CTNNA3: variants seen among roughly 807,000 people sequenced by gnomAD.
CTNNA3 encodes catenin alpha-3.
CTNNA3 carries 76 observed loss-of-function variants against 95.7 expected under a neutral mutation model. That is an observed-to-expected ratio of 0.79 (90% CI 0.66 to 0.96). CTNNA3 has a LOEUF of 0.96. CTNNA3 is among the 40% of genes least tolerant of loss of function. The pLI is 0.00. For missense variants in CTNNA3, 1,191 were observed against 1,089.8 expected (o/e 1.09, Z -1.31); for synonymous variants, 431 against 374.4 (o/e 1.15, Z -1.74).
chr10:66,350,868 C>T (rs1349690761), intron 12 of CTNNA3, among the ~76,000 whole-genome samples: 5 of 151,984 alleles, frequency 3.3e-5, no homozygotes, highest in Non-Finnish European at 1.5e-5. Context: ...TGTCTATCCA[C>T]AGAAGGACTC....
At chr10:66,310,718 GCT>G (rs969754152) in intron 12 of CTNNA3, among the ~76,000 whole-genome samples, 1 of 147,154 alleles carries the variant, frequency 6.8e-6, no homozygotes, top group Non-Finnish European at 1.5e-5. Context: ...GCGGAGTCTG[GCT>G]CTGTCTCCCA....
intron 3 of CTNNA3, among the ~76,000 whole-genome samples, chr10:67,558,299 A>G (rs1009971500): frequency 5.3e-5 from 8 of 152,212 alleles, no homozygotes; most frequent in Admixed American, 5.2e-4. Context: ...TTACCTTATT[A>G]AAACTATTAT....
chr10:67,681,059 T>C (rs1467838955), intron 1 of CTNNA3, among the ~76,000 whole-genome samples: 1 of 152,180 alleles, frequency 6.6e-6, no homozygotes, highest in Non-Finnish European at 1.5e-5. Context: ...CTACTGAGGG[T>C]TGTAAAAGAA....
At chr10:66,409,015 C>T (rs1460818573) in intron 11 of CTNNA3, among the ~76,000 whole-genome samples, 2 of 152,094 alleles carry the variant, frequency 1.3e-5, no homozygotes, top group African/African-American at 4.8e-5. Context: ...TATACCAAAA[C>T]AAAATTATTA....
intron 5 of CTNNA3, among the ~76,000 whole-genome samples, chr10:67,234,663 G>T (rs1484358800): frequency 6.6e-6 from 1 of 151,566 alleles, no homozygotes; most frequent in East Asian, 1.9e-4. Context: ...TTCTGGCCAG[G>T]GCAATTAGGC....
chr10:66,463,886 A>ATTTTTT lies in CTNNA3; in HGVS notation c.1531+56725_1531+56730dup, dbSNP rs112075327. Among the ~76,000 whole-genome samples the ATTTTTT allele has an allele frequency of 7.4e-4, 106 of 143,766 alleles. 1 individual carries two copies. The highest frequency in any genetic ancestry group is 2.3e-3 in the African/African-American group (92 of 39,522). 94.3% of individuals were successfully genotyped at this position (143,766 alleles called of 152,430 possible). A position where few individuals can be genotyped will look rare whatever the true frequency, so the allele number is the denominator to read the frequency against. The stretch of plus-strand genomic sequence containing the variant: ...GAACAGAGGGAGCAGTCACTTTCCA[A>ATTTTTT]TTTTTTTTTTTTTTTTACAAATAAG... On this transcript the variant is annotated intron_variant, in intron 11 of 17. Transcript: ENST00000433211.
At chr10:66,284,967 T>C (rs902817213) in intron 12 of CTNNA3, among the ~76,000 whole-genome samples, 2 of 151,878 alleles carry the variant, frequency 1.3e-5, no homozygotes, top group African/African-American at 2.4e-5. Context: ...ATTATTGTGG[T>C]TCATATATAT....
At chr10:66,465,491 G>A (rs1281483631) in intron 11 of CTNNA3, among the ~76,000 whole-genome samples, 1 of 152,146 alleles carries the variant, frequency 6.6e-6, no homozygotes, top group East Asian at 1.9e-4. Context: ...ATTGCAGTGA[G>A]AATCTGGTTA....
At chr10:66,377,573 T>C (rs1177171353) in intron 12 of CTNNA3, among the ~76,000 whole-genome samples, 1 of 151,984 alleles carries the variant, frequency 6.6e-6, no homozygotes, top group Non-Finnish European at 1.5e-5. Flanking sequence ...ACTAACACGA[T>C]TATAAAACTG....
chr10:66,191,936 C>G (rs1002987272), intron 13 of CTNNA3, among the ~76,000 whole-genome samples: 1 of 152,120 alleles, frequency 6.6e-6, no homozygotes, highest in Non-Finnish European at 1.5e-5. Context: ...TGGGTTCTTT[C>G]TTGTGGGAAT....
intron 5 of CTNNA3, among the ~76,000 whole-genome samples, chr10:67,504,712 C>T (rs1839379544): frequency 6.6e-6 from 1 of 152,048 alleles, no homozygotes; most frequent in Non-Finnish European, 1.5e-5. Context: ...TTTTATGGAT[C>T]CAATTCTAGC....
chr10:66,985,528 T>C (rs1354243362), intron 7 of CTNNA3, among the ~76,000 whole-genome samples: 1 of 152,050 alleles, frequency 6.6e-6, no homozygotes, highest in Non-Finnish European at 1.5e-5. Flanking sequence ...CTTCTGCAGA[T>C]GGTTCCCATT....
At chr10:66,654,388 T>G (rs1410971801) in intron 9 of CTNNA3, among the ~76,000 whole-genome samples, 1 of 152,050 alleles carries the variant, frequency 6.6e-6, no homozygotes, top group African/African-American at 2.4e-5. Flanking sequence ...AAATGTAAAT[T>G]AAAACTGCAA....
intron 6 of CTNNA3, among the ~76,000 whole-genome samples, chr10:67,190,506 C>A (rs1371277186): frequency 2.0e-5 from 3 of 151,804 alleles, no homozygotes; most frequent in African/African-American, 7.3e-5. Context: ...GGCTTCATTT[C>A]ATATTACTTA....
At chr10:66,775,572 A>G (rs1156260039) in intron 7 of CTNNA3, 48 bp from the exon 8 acceptor site, 2 of 1,326,538 alleles carry the variant, frequency 1.5e-6, no homozygotes, top group East Asian at 2.3e-5. Flanking sequence ...ATTAATCTTT[A>G]TCACTTAGCA....
intron 1 of CTNNA3, among the ~76,000 whole-genome samples, chr10:67,685,069 G>A (rs567739063): frequency 2.0e-5 from 3 of 152,324 alleles, no homozygotes; most frequent in East Asian, 3.9e-4. Flanking sequence ...TGCTGCCGAA[G>A]AGTCTATTTG....
At chr10:66,698,128 C>A (rs757142388) in intron 9 of CTNNA3, among the ~76,000 whole-genome samples, 1 of 152,122 alleles carries the variant, frequency 6.6e-6, no homozygotes, top group African/African-American at 2.4e-5. Context: ...CTTCAAGAAC[C>A]AGAACTCAGT....
chr10:66,027,889 A>C (rs1162873861), intron 15 of CTNNA3, among the ~76,000 whole-genome samples: 1 of 152,210 alleles, frequency 6.6e-6, no homozygotes, highest in African/African-American at 2.4e-5. Context: ...TATGGAAAGC[A>C]TATTCTAAGA....
intron 12 of CTNNA3, among the ~76,000 whole-genome samples, chr10:66,365,665 C>A (rs983186814): frequency 6.6e-6 from 1 of 152,012 alleles, no homozygotes; most frequent in African/African-American, 2.4e-5. Context: ...GGTATTCATG[C>A]CCTATTCGCT....
Sources: gnomAD v4.1 joint callset for allele counts (sites outside exome capture counted in the v4.1 genomes callset) on GRCh38, gnomAD v4.1.1 for gene constraint, MANE v1.5 for transcripts, NCBI Gene and HGNC (gene_info 2026-07-23, HGNC 2026-07-21) for gene names.